NLGN1: variants seen among roughly 807,000 people sequenced by gnomAD.
NLGN1 encodes neuroligin 1, also known as neuroligin-1.
In NLGN1, 12 loss-of-function variants were observed where a neutral mutation model predicts 65.5. The ratio of observed to expected loss-of-function variants is 0.18; its 90% CI spans 0.12 to 0.30. The LOEUF (loss-of-function observed/expected upper bound fraction) is 0.30, where lower values mean the gene tolerates loss of function less well. Among genes scored for constraint, NLGN1 ranks in the 10% least tolerant of loss-of-function variants. NLGN1 has a pLI of 1.00. For missense variants in NLGN1, 750 were observed against 1,007.1 expected (o/e 0.74, Z 3.46); for synonymous variants, 350 against 359.5 (o/e 0.97, Z 0.30).
In NLGN1 at chr3:173,965,113, A is replaced by G. The variant is rs1296059438; in HGVS notation, c.646+157281A>G. On this transcript the variant is annotated intron_variant, in intron 4 of 6. Transcript: ENST00000457714. ...AAGAAGTCTGTGGCCAAATTTTGCC[A>G]TGCTTTCACTGTATCCTTTCCTACC... Among the ~76,000 whole-genome samples the G allele has an allele frequency of 3.3e-5, 5 of 152,106 alleles. No homozygotes were observed. The East Asian group carries it at 7.7e-4, about 24-fold the overall frequency.
intron 4 of NLGN1, among the ~76,000 whole-genome samples, chr3:174,157,138 T>A (rs1403729658): frequency 2.6e-5 from 4 of 151,628 alleles, no homozygotes; most frequent in Admixed American, 2.0e-4. Context: ...GATGTGTGGA[T>A]GTGTTGGAGG....
intron 4 of NLGN1, among the ~76,000 whole-genome samples, chr3:174,197,976 A>G (rs753403037): frequency 5.9e-5 from 9 of 152,132 alleles, no homozygotes; most frequent in Non-Finnish European, 1.2e-4. Flanking sequence ...AGTTATACAT[A>G]CACATATATC....
chr3:173,813,268 C>A (rs568425951), intron 4 of NLGN1, among the ~76,000 whole-genome samples: 1 of 152,082 alleles, frequency 6.6e-6, no homozygotes, highest in South Asian at 2.1e-4. Flanking sequence ...TTCTGTCTGA[C>A]TCTTTCAAAG....
intron 4 of NLGN1, among the ~76,000 whole-genome samples, chr3:174,227,594 A>G (rs1739954418): frequency 6.6e-6 from 1 of 152,108 alleles, no homozygotes; most frequent in Admixed American, 6.5e-5. Flanking sequence ...TGTAGTTTTC[A>G]TAACACAAAA....
At chr3:174,238,795 ATTC>A (rs1742235147) in intron 4 of NLGN1, among the ~76,000 whole-genome samples, 1 of 152,154 alleles carries the variant, frequency 6.6e-6, no homozygotes, top group Admixed American at 6.5e-5. Flanking sequence ...TTGTTTTCCA[ATTC>A]TTGTAGTAAA....
chr3:173,431,387 TA>T (rs376855223), intron 1 of NLGN1, among the ~76,000 whole-genome samples: 2 of 150,090 alleles, frequency 1.3e-5, no homozygotes, highest in African/African-American at 5.1e-5. Context: ...AATTTCTTTT[TA>T]TTCCTTATCA....
intron 4 of NLGN1, among the ~76,000 whole-genome samples, chr3:174,129,565 G>A (rs1719734755): frequency 6.6e-6 from 1 of 152,262 alleles, no homozygotes; most frequent in African/African-American, 2.4e-5. Flanking sequence ...TTAAGATGGG[G>A]TTGTTAGATT....
chr3:173,605,462 A>G (rs988727946), intron 3 of NLGN1, 72 bp from the exon 3 acceptor site: 4 of 711,926 alleles, frequency 5.6e-6, no homozygotes, highest in Non-Finnish European at 8.7e-6. Flanking sequence ...TGAGTTAGAT[A>G]GTGGTGTTGC....
intron 2 of NLGN1, among the ~76,000 whole-genome samples, chr3:173,558,172 A>G (rs1742018509): frequency 6.6e-6 from 1 of 152,014 alleles, no homozygotes; most frequent in Non-Finnish European, 1.5e-5. Flanking sequence ...TTCTGATAGA[A>G]TATCAGATGT....
chr3:173,823,108 A>G (rs563843227), intron 4 of NLGN1, among the ~76,000 whole-genome samples: 8 of 152,158 alleles, frequency 5.3e-5, no homozygotes, highest in Middle Eastern at 3.4e-3. Flanking sequence ...ATATTCGCAT[A>G]TAATTTTTAA....
chr3:174,223,174 C>T (rs1451841926), intron 4 of NLGN1, among the ~76,000 whole-genome samples: 2 of 152,074 alleles, frequency 1.3e-5, no homozygotes, highest in East Asian at 3.9e-4. Flanking sequence ...ATTTTGTTAG[C>T]CCTTGTAGCA....
chr3:173,978,343 G>A (rs141787734), intron 4 of NLGN1, among the ~76,000 whole-genome samples: 433 of 152,250 alleles, frequency 2.8e-3, no homozygotes, highest in Middle Eastern at 0.014. Context: ...ATAATAAAGA[G>A]AAAGAGCAGT....
intron 3 of NLGN1, among the ~76,000 whole-genome samples, chr3:173,696,272 C>G (rs964619504): frequency 6.6e-6 from 1 of 152,184 alleles, no homozygotes; most frequent in Admixed American, 6.5e-5. Context: ...TGACAACATT[C>G]TCTTTTGATT....
Position 173,908,687 on chromosome 3 carries a change from CAG to C in NLGN1, c.646+100856_646+100857del, listed in dbSNP as rs1579116977. 4.6e-5 allele frequency among the ~76,000 whole-genome samples: 7 copies of C among 152,142 alleles called. No individual in the cohort carries two copies. The South Asian group carries it at 1.2e-3, about 27-fold the overall frequency. ...ATAACTCTAGTGGGGCTGGCAAACT[CAG>C]GGGCAATTAATACTGATGTAATTGT... is the stretch of plus-strand genomic sequence containing the variant. On this transcript the variant is annotated intron_variant, in intron 4 of 6. Coordinates refer to ENST00000457714, the Ensembl canonical transcript of NLGN1.
chr3:173,480,191 T>C (rs1727033361), intron 2 of NLGN1, among the ~76,000 whole-genome samples: 1 of 151,992 alleles, frequency 6.6e-6, no homozygotes, highest in Non-Finnish European at 1.5e-5. Flanking sequence ...AAATGAAATG[T>C]GCAAAACATG....
intron 4 of NLGN1, among the ~76,000 whole-genome samples, chr3:173,814,259 A>C (rs990712229): frequency 6.6e-6 from 1 of 152,256 alleles, no homozygotes; most frequent in Non-Finnish European, 1.5e-5. Flanking sequence ...GATTTCACTT[A>C]TAATAGGATA....
intron 3 of NLGN1, among the ~76,000 whole-genome samples, chr3:173,740,317 G>C (rs1364818385): frequency 6.6e-6 from 1 of 151,842 alleles, no homozygotes; most frequent in African/African-American, 2.4e-5. Flanking sequence ...CATACATTAG[G>C]GATAATAGAA....
At chr3:173,625,159 T>C (rs1466653892) in intron 3 of NLGN1, among the ~76,000 whole-genome samples, 2 of 152,120 alleles carry the variant, frequency 1.3e-5, no homozygotes, top group African/African-American at 4.8e-5. Context: ...CTGTCAGAAG[T>C]CCCACTCTTT....
rs192380221 is a variant in NLGN1 at position 173,746,522 on chromosome 3, G to C, written c.494-61158G>C. ...TAGCTTGTATCAGGACTTCCTTGCTGTTTCCTCTAATGAGTCAGAATTCGA... is the reference window on the plus strand; with the variant it reads ...TAGCTTGTATCAGGACTTCCTTGCTCTTTCCTCTAATGAGTCAGAATTCGA... On this transcript the variant is annotated intron_variant, in intron 3 of 6. Transcript: ENST00000457714. Among the ~76,000 whole-genome samples, 546 of 150,294 alleles carry C rather than the reference G, an allele frequency of 3.6e-3. 2 individuals are homozygous for C. Among genetic ancestry groups the C allele is most frequent in the Middle Eastern group, 6.9e-3 (2 of 288 alleles).
Sources: allele counts gnomAD v4.1 joint callset (sites outside exome capture counted in the v4.1 genomes callset), GRCh38; gene constraint gnomAD v4.1.1; transcripts MANE v1.5; gene names NCBI Gene and HGNC (gene_info 2026-07-23, HGNC 2026-07-21).